CALD1: variants seen among roughly 807,000 people sequenced by gnomAD.
CALD1 encodes caldesmon 1.
In CALD1, 33 loss-of-function variants were observed where a neutral mutation model predicts 99.9. The ratio of observed to expected loss-of-function variants is 0.33; its 90% confidence interval spans 0.25 to 0.44. CALD1 has a LOEUF of 0.44. Among genes scored for constraint, CALD1 ranks in the 20% least tolerant of loss-of-function variants. CALD1 has a pLI of 1.00. For missense variants in CALD1, 861 were observed against 962.1 expected, an observed-to-expected ratio of 0.89 and a Z score of 1.39; for synonymous variants, 310 against 325.0, an observed-to-expected ratio of 0.95 and a Z score of 0.50.
intron 3 of CALD1, among the ~76,000 whole-genome samples, chr7:134,888,843 A>C (rs1486382315): frequency 6.6e-6 from 1 of 152,202 alleles, no homozygotes; most frequent in African/African-American, 2.4e-5. Context: ...TTTGGCAATT[A>C]GGGAAATAGC....
intron 9 of CALD1, among the ~76,000 whole-genome samples, chr7:134,957,334 C>T (rs1807852588): frequency 6.6e-6 from 1 of 152,078 alleles, no homozygotes; most frequent in Non-Finnish European, 1.5e-5. Context: ...TTTTGTTACT[C>T]GAATAGCATG....
the CALD1 span, among the ~76,000 whole-genome samples, chr7:134,734,563 T>C: frequency 6.6e-6 from 1 of 152,224 alleles, no homozygotes; most frequent in Non-Finnish European, 1.5e-5. Flanking sequence ...GAATTGTAGC[T>C]TTCATAATCC....
the CALD1 span, among the ~76,000 whole-genome samples, chr7:134,722,275 T>C: frequency 9.2e-5 from 14 of 152,206 alleles, no homozygotes; most frequent in African/African-American, 3.4e-4. Flanking sequence ...TTTGCCACTT[T>C]TTTCCTCTCT....
At chr7:134,876,634 CTT>C (rs1365207484) in intron 3 of CALD1, among the ~76,000 whole-genome samples, 1 of 152,154 alleles carries the variant, frequency 6.6e-6, no homozygotes, top group Non-Finnish European at 1.5e-5. Flanking sequence ...GACAAAAAAA[CTT>C]TGGTGATTTA....
At chr7:134,796,478 G>A (rs1797749376) in intron 1 of CALD1, among the ~76,000 whole-genome samples, 1 of 152,152 alleles carries the variant, frequency 6.6e-6, no homozygotes, top group African/African-American at 2.4e-5. Context: ...CCCATATTCA[G>A]AGTTCAGAAT....
chr7:134,851,951 T>C (rs1421378703), intron 2 of CALD1, among the ~76,000 whole-genome samples: 2 of 152,184 alleles, frequency 1.3e-5, no homozygotes, highest in Non-Finnish European at 2.9e-5. Context: ...GCCAGAATTC[T>C]TAAGCTTTTC....
At chr7:134,867,008 G>T (rs989796170) in intron 2 of CALD1, 1 of 152,192 alleles carries the variant, frequency 6.6e-6, no homozygotes, top group African/African-American at 2.4e-5. Flanking sequence ...GAAGGGGAAG[G>T]TCTTTCCGGA....
chr7:134,885,517 T>C (rs1801813671), intron 3 of CALD1, among the ~76,000 whole-genome samples: 1 of 152,182 alleles, frequency 6.6e-6, no homozygotes, highest in Non-Finnish European at 1.5e-5. Flanking sequence ...ATAAAAGCCA[T>C]GTGTAAATTT....
the CALD1 span, among the ~76,000 whole-genome samples, chr7:134,737,614 G>C: frequency 1.3e-5 from 2 of 152,090 alleles, no homozygotes; most frequent in East Asian, 3.9e-4. Context: ...TGTTGTTCTA[G>C]AGCCTCGGTT....
intron 1 of CALD1, among the ~76,000 whole-genome samples, chr7:134,838,432 T>G (rs945390435): frequency 1.2e-4 from 18 of 152,064 alleles, no homozygotes. Context: ...TTGGGGAAGG[T>G]GGGTGGTTAA....
chr7:134,868,575 T>C (rs1800912187), intron 3 of CALD1, among the ~76,000 whole-genome samples: 1 of 152,220 alleles, frequency 6.6e-6, no homozygotes, highest in South Asian at 2.1e-4. Flanking sequence ...TCGATTTTTT[T>C]CCCAGTAACT....
At chr7:134,744,151 G>C (rs1467078327), upstream of CALD1, 1 of 152,222 alleles carries the variant, frequency 6.6e-6, no homozygotes, top group Non-Finnish European at 1.5e-5. Flanking sequence ...ACCTTCTCTA[G>C]TAGCAGCTTG....
chr7:134,923,806 C>T (rs1249519049), intron 3 of CALD1, among the ~76,000 whole-genome samples: 1 of 152,084 alleles, frequency 6.6e-6, no homozygotes, highest in Non-Finnish European at 1.5e-5. Context: ...GACAATTTGT[C>T]GATGATTATC....
At chr7:134,742,145 A>T (rs1796597499), upstream of CALD1, among the ~76,000 whole-genome samples, 1 of 152,120 alleles carries the variant, frequency 6.6e-6, no homozygotes, top group South Asian at 2.1e-4. Flanking sequence ...CTTCATTGTT[A>T]AATTTCAAAA....
At chr7:134,776,250 G>A (rs577367390), upstream of CALD1, among the ~76,000 whole-genome samples, 12 of 152,086 alleles carry the variant, frequency 7.9e-5, no homozygotes, top group Admixed American at 3.3e-4. Flanking sequence ...TAAGCATGAC[G>A]TTTGCTATAT....
chr7:134,936,613 C>CT (rs1369111244), intron 6 of CALD1, among the ~76,000 whole-genome samples: 6 of 152,168 alleles, frequency 3.9e-5, no homozygotes, highest in African/African-American at 1.2e-4. Context: ...ATTAAGAAAA[C>CT]TATGGCATCT....
chr7:134,801,346 T>C (rs1797934098), intron 1 of CALD1, among the ~76,000 whole-genome samples: 1 of 152,194 alleles, frequency 6.6e-6, no homozygotes, highest in African/African-American at 2.4e-5. Context: ...AAACAGCCAA[T>C]TGTTACAATA....
upstream of CALD1, among the ~76,000 whole-genome samples, chr7:134,740,017 T>C (rs973930515): frequency 6.6e-6 from 1 of 152,072 alleles, no homozygotes; most frequent in Non-Finnish European, 1.5e-5. Flanking sequence ...ACATTTCAGA[T>C]AAAATAATCT....
At chr7:134,923,613 C>T (rs1804773718) in intron 3 of CALD1, among the ~76,000 whole-genome samples, 1 of 152,204 alleles carries the variant, frequency 6.6e-6, no homozygotes, top group Non-Finnish European at 1.5e-5. Context: ...TAGTCAGCAG[C>T]ATTTCAAATA....
Sources: gnomAD v4.1 joint callset for allele counts (sites outside exome capture counted in the v4.1 genomes callset) on GRCh38, gnomAD v4.1.1 for gene constraint, MANE v1.5 for transcripts, NCBI Gene and HGNC (gene_info 2026-07-23, HGNC 2026-07-21) for gene names.